GPC3: variants seen among roughly 807,000 people sequenced by gnomAD.
GPC3 encodes the protein glypican 3, also known as glypican-3.
GPC3 carries 3 observed loss-of-function variants against 34.4 expected under a neutral mutation model. The observed-to-expected ratio is 0.09, with a 90% CI of 0.04 to 0.23. The LOEUF is 0.23. Ranked by LOEUF, GPC3 falls within the 10% of genes least tolerant of loss-of-function variation. The probability of loss-of-function intolerance (pLI) is 1.00; values close to 1 mark genes in which losing one functional copy is unlikely to be tolerated. For missense variants in GPC3, 351 were observed against 445.6 expected (o/e 0.79, Z 1.91); for synonymous variants, 177 against 174.0 (o/e 1.02, Z -0.13).
At chrX:133,770,522 T>A (rs1029300450) in intron 2 of GPC3, among the ~76,000 whole-genome samples, 1 of 111,647 alleles carries the variant, frequency 9.0e-6, no homozygotes, top group Non-Finnish European at 1.9e-5. Context: ...TTCTCTATTT[T>A]GTGTTGTCCG....
At chrX:133,848,228 A>G (rs2075855563) in intron 2 of GPC3, among the ~76,000 whole-genome samples, 1 of 111,570 alleles carries the variant, frequency 9.0e-6, no homozygotes, top group African/African-American at 3.3e-5. Flanking sequence ...ATGGTTACTG[A>G]CTCTATGCTT....
At chrX:133,585,709 C>A (rs2124317993) in intron 7 of GPC3, among the ~76,000 whole-genome samples, 1 of 111,306 alleles carries the variant, frequency 9.0e-6, no homozygotes, top group African/African-American at 3.3e-5. Flanking sequence ...CCTGCTAGAT[C>A]CTTCTCTACT....
At position 133,846,649 on chromosome X, in the gene GPC3, C is replaced by T. The variant is rs1414205683; in HGVS notation, c.338-92473G>A. Among the ~76,000 whole-genome samples the T allele has an allele frequency of 3.6e-5, 4 of 111,785 alleles. No homozygotes were observed. In the Admixed American group the frequency reaches 3.8e-4, roughly 11 times the overall value. The stretch of plus-strand genomic sequence containing the variant: ...GCAGAACTCACTCAGTTCTGTAAAA[C>T]TGCCTTCCTTCTGAAATCCTAAAAA... On this transcript the variant is annotated intron_variant, in intron 2 of 7. Transcript: ENST00000370818.
intron 7 of GPC3, among the ~76,000 whole-genome samples, chrX:133,563,719 C>T (rs2069558127): frequency 9.0e-6 from 1 of 111,603 alleles, no homozygotes; most frequent in African/African-American, 3.3e-5. Context: ...CTTGCTTTTT[C>T]AGACTACTTG....
intron 7 of GPC3, among the ~76,000 whole-genome samples, chrX:133,560,738 C>CAA (rs5903866): frequency 1.1e-3 from 105 of 96,349 alleles, no homozygotes; most frequent in Middle Eastern, 5.3e-3. Context: ...GACTCTGTCT[C>CAA]AAAAAAAAAA....
At chrX:133,651,222 C>T (rs989775587) in intron 6 of GPC3, among the ~76,000 whole-genome samples, 1 of 108,240 alleles carries the variant, frequency 9.2e-6, no homozygotes, top group Non-Finnish European at 1.9e-5. Flanking sequence ...CTCGCTCTGT[C>T]GCCCAGGCTG....
In GPC3 at chrX:133,785,848, G is replaced by A. The variant is rs1023035653; in HGVS notation, c.338-31672C>T. Among the ~76,000 whole-genome samples the A allele has an allele frequency of 3.6e-5, 4 of 112,009 alleles. No homozygotes were observed. The South Asian group carries it at 1.1e-3, about 31-fold the overall frequency. ...CATTCTCAGGAAATTAAAGTTCAAC[G>A]TATTGTTTCTGCAAAGAATACTATA... is the stretch of plus-strand genomic sequence containing the variant. On this transcript the variant is annotated intron_variant, in intron 2 of 7. Coordinates refer to ENST00000370818, the MANE Select transcript of GPC3 (RefSeq NM_004484.4).
chrX:133,819,537 T>C (rs1461944337), intron 2 of GPC3, among the ~76,000 whole-genome samples: 2 of 111,051 alleles, frequency 1.8e-5, no homozygotes, highest in African/African-American at 6.6e-5. Flanking sequence ...AGTGGTATAA[T>C]AGATGACATT....
chrX:133,913,492 CACTT>C (rs201876202), intron 2 of GPC3, among the ~76,000 whole-genome samples: 1,704 of 112,422 alleles, frequency 0.015, 38 homozygotes, highest in African/African-American at 0.052. Flanking sequence ...GTAAACCACT[CACTT>C]GAGAAGAAAA....
At chrX:133,640,571 G>A (rs2070470892) in intron 6 of GPC3, among the ~76,000 whole-genome samples, 1 of 112,155 alleles carries the variant, frequency 8.9e-6, no homozygotes, top group South Asian at 3.7e-4. Context: ...TTAACAAGCT[G>A]AACACAATAT....
intron 3 of GPC3, among the ~76,000 whole-genome samples, chrX:133,746,588 G>A (rs1219248688): frequency 5.3e-5 from 6 of 112,191 alleles, no homozygotes; most frequent in Non-Finnish European, 7.5e-5. Context: ...TTTCTCCATG[G>A]AAATCACTGA....
At chrX:133,657,898 C>CAG (rs749162174) in intron 6 of GPC3, among the ~76,000 whole-genome samples, 14,839 of 85,321 alleles carry the variant, frequency 0.17, 1,548 homozygotes, top group East Asian at 0.42. Flanking sequence ...GGCATACATG[C>CAG]AGAGAGAGAG....
chrX:133,558,910 A>C (rs1157782430), intron 7 of GPC3, among the ~76,000 whole-genome samples: 2 of 106,054 alleles, frequency 1.9e-5, no homozygotes, highest in Non-Finnish European at 3.9e-5. Flanking sequence ...TAAGTAAATA[A>C]ATAAATAAAT....
chrX:133,918,354 T>C (rs2076233629), intron 2 of GPC3, among the ~76,000 whole-genome samples: 1 of 112,509 alleles, frequency 8.9e-6, no homozygotes, highest in African/African-American at 3.2e-5. Context: ...GGTGACCTAG[T>C]ATGTTATAGA....
chrX:133,716,234 T>A (rs182339849), intron 3 of GPC3, among the ~76,000 whole-genome samples: 140 of 111,593 alleles, frequency 1.3e-3, no homozygotes, highest in African/African-American at 4.5e-3. Flanking sequence ...TCTTTAAATA[T>A]CTAGTTTTTG....
intron 2 of GPC3, among the ~76,000 whole-genome samples, chrX:133,795,818 G>T (rs1262340399): frequency 9.1e-6 from 1 of 110,166 alleles, no homozygotes; most frequent in Non-Finnish European, 1.9e-5. Flanking sequence ...CATCAATATA[G>T]TATATTCCAT....
At chrX:133,770,208 T>A (rs1319029149) in intron 2 of GPC3, among the ~76,000 whole-genome samples, 1 of 110,644 alleles carries the variant, frequency 9.0e-6, no homozygotes, top group South Asian at 3.9e-4. Flanking sequence ...GCCCAGGAGG[T>A]CGAGGCTGCA....
At chrX:133,620,590 T>C (rs2070221751) in intron 6 of GPC3, among the ~76,000 whole-genome samples, 1 of 111,219 alleles carries the variant, frequency 9.0e-6, no homozygotes, top group Admixed American at 9.6e-5. Flanking sequence ...CTGGAAAAAC[T>C]AGTTCAGGCC....
At chrX:133,595,152 C>T (rs998927430) in intron 7 of GPC3, among the ~76,000 whole-genome samples, 1 of 111,216 alleles carries the variant, frequency 9.0e-6, no homozygotes, top group Non-Finnish European at 1.9e-5. Context: ...AAGGGACATC[C>T]GGATAATAGC....
Sources: allele counts gnomAD v4.1 joint callset (sites outside exome capture counted in the v4.1 genomes callset), GRCh38; gene constraint gnomAD v4.1.1; transcripts MANE v1.5; gene names NCBI Gene and HGNC (gene_info 2026-07-23, HGNC 2026-07-21).